CDS2: variants seen among roughly 807,000 people sequenced by gnomAD.
CDS2 encodes CDP-diacylglycerol synthase 2.
CDS2 carries 47 observed loss-of-function variants against 59.0 expected under a neutral mutation model. That is an observed-to-expected ratio of 0.80 (90% confidence interval 0.63 to 1.02). The LOEUF (loss-of-function observed/expected upper bound fraction) is 1.02, where lower values mean the gene tolerates loss of function less well. Ranked by LOEUF, CDS2 falls within the 50% of genes least tolerant of loss-of-function variation. The probability of loss-of-function intolerance (pLI) is 0.00; values close to 1 mark genes in which losing one functional copy is unlikely to be tolerated. For missense variants in CDS2, 356 were observed against 558.9 expected (o/e 0.64, Z 3.66); for synonymous variants, 207 against 206.4 (o/e 1.00, Z -0.02).
chr20:5,136,068 G>T (rs2090647440), intron 1 of CDS2, among the ~76,000 whole-genome samples: 1 of 152,130 alleles, frequency 6.6e-6, no homozygotes, highest in Non-Finnish European at 1.5e-5. Context: ...GGATTTACGG[G>T]CAACACTCTC....
At chr20:5,168,141 ACGG>A (rs2090926005) in intron 1 of CDS2, among the ~76,000 whole-genome samples, 1 of 152,120 alleles carries the variant, frequency 6.6e-6, no homozygotes, top group Admixed American at 6.6e-5. Context: ...GGAGCTGGGT[ACGG>A]TAGCTCACGC....
At chr20:5,156,586 T>C (rs1382048115) in intron 1 of CDS2, among the ~76,000 whole-genome samples, 2 of 152,034 alleles carry the variant, frequency 1.3e-5, no homozygotes, top group Non-Finnish European at 2.9e-5. Flanking sequence ...AAGATGTCAT[T>C]GGAGAGGATT....
chr20:5,167,501 A>T (rs192277549), intron 1 of CDS2, among the ~76,000 whole-genome samples: 169 of 152,306 alleles, frequency 1.1e-3, no homozygotes, highest in African/African-American at 4.0e-3. Flanking sequence ...AACAATATAC[A>T]CACACAAATG....
intron 1 of CDS2, among the ~76,000 whole-genome samples, chr20:5,156,655 G>A (rs2090835688): frequency 6.6e-6 from 1 of 152,180 alleles, no homozygotes; most frequent in Non-Finnish European, 1.5e-5. Flanking sequence ...AGAAAAAAAG[G>A]AATCCATTGG....
chr20:5,168,507 C>T (rs1371185508), intron 1 of CDS2: 2 of 463,586 alleles, frequency 4.3e-6, no homozygotes, highest in Non-Finnish European at 8.6e-6. Flanking sequence ...ACACAGTGCC[C>T]AAGGGATTCT....
intron 1 of CDS2, among the ~76,000 whole-genome samples, chr20:5,161,801 A>G (rs1439680268): frequency 6.6e-6 from 1 of 152,130 alleles, no homozygotes; most frequent in East Asian, 1.9e-4. Context: ...TGTTCATTTT[A>G]TCGTCTTGCT....
intron 1 of CDS2, among the ~76,000 whole-genome samples, chr20:5,149,039 T>C (rs78421884): frequency 0.025 from 3,879 of 152,248 alleles, 70 homozygotes; most frequent in East Asian, 0.08. Flanking sequence ...AGACAGGGTC[T>C]TGCTGTGGTC....
chr20:5,180,738 A>G (rs1296508609), intron 5 of CDS2, among the ~76,000 whole-genome samples: 1 of 152,100 alleles, frequency 6.6e-6, no homozygotes, highest in Non-Finnish European at 1.5e-5. Flanking sequence ...GCTCCTATTC[A>G]GGATGGAGTT....
At chr20:5,166,898 TACC>T (rs2090917131) in intron 1 of CDS2, among the ~76,000 whole-genome samples, 4 of 152,182 alleles carry the variant, frequency 2.6e-5, no homozygotes, top group Non-Finnish European at 5.9e-5. Context: ...CCCAGAGGTT[TACC>T]CATGAAGTGG....
chr20:5,176,539 G>T, intron 3 of CDS2, 109 bp from the exon 4 acceptor site: 1 of 815,182 alleles, frequency 1.2e-6, no homozygotes, highest in South Asian at 1.4e-5. Context: ...CTGGAGGCCC[G>T]ATATTTTTCT....
At chr20:5,142,568 A>G (rs1310305119) in intron 1 of CDS2, among the ~76,000 whole-genome samples, 1 of 151,786 alleles carries the variant, frequency 6.6e-6, no homozygotes, top group Non-Finnish European at 1.5e-5. Context: ...GATATTTAAA[A>G]TAAAGGAATT....
At chr20:5,182,511 A>C (rs2091038681) in intron 6 of CDS2, 66 bp downstream of exon 6, 2 of 1,412,708 alleles carry the variant, frequency 1.4e-6, no homozygotes, top group Non-Finnish European at 2.0e-6. Context: ...GGAACTCAAC[A>C]AGCCTTTCAT....
At chr20:5,170,159 G>A (rs1320634153) in intron 1 of CDS2, among the ~76,000 whole-genome samples, 2 of 152,192 alleles carry the variant, frequency 1.3e-5, no homozygotes, top group African/African-American at 2.4e-5. Context: ...TGTGTCATGA[G>A]TGTCAGAGCT....
At chr20:5,159,531 A>G (rs796991583) in intron 1 of CDS2, among the ~76,000 whole-genome samples, 1 of 152,250 alleles carries the variant, frequency 6.6e-6, no homozygotes, top group African/African-American at 2.4e-5. Flanking sequence ...AAACAAGTGT[A>G]AGGAATCTTT....
At chr20:5,186,582 C>A in intron 9 of CDS2, 105 bp from the exon 10 acceptor site, 1 of 1,037,324 alleles carries the variant, frequency 9.6e-7, no homozygotes, top group Non-Finnish European at 1.5e-6. Flanking sequence ...TCGCAGTTAG[C>A]AGGGTACTAG....
Position 5,189,779 on chromosome 20 carries a change from C to T in CDS2, c.1146C>T (p.Arg382=). The change falls in exon 12 of 13, where the codon CGC becomes CGT. Residue 382 remains arginine, a synonymous_variant. Transcript: ENST00000460006. ...CTGGCCATGGAGGCATCATGGATCG[C>T]TTTGACTGCCAGTATCTGATGGCCA... is the stretch of plus-strand genomic sequence containing the variant. ...TIPGHGGIMD[R]FDCQYLMATF... 6.2e-7 allele frequency: 1 copy of T among 1,614,170 alleles called. No individual in the cohort carries two copies. The highest frequency in any genetic ancestry group is 8.5e-7 in the Non-Finnish European group (1 of 1,180,026).
chr20:5,189,183 C>CA lies in CDS2; in HGVS notation c.1101dup (p.Asp368ArgfsTer17). On this transcript the variant is annotated frameshift_variant, in exon 11 of 13. Transcript: ENST00000460006. LOFTEE classifies it high-confidence loss of function. ...GTGGATTCAAACGAGCCTTTAAAAT[C>CA]AAAGTAGGAAAACCGTCTTACGTTC... 6.2e-7 allele frequency: 1 copy of CA among 1,614,046 alleles called. No homozygotes were observed.
intron 1 of CDS2, among the ~76,000 whole-genome samples, chr20:5,145,124 T>TAA (rs1322331218): frequency 7.2e-5 from 11 of 151,810 alleles, no homozygotes; most frequent in African/African-American, 2.4e-4. Context: ...GACACAGTAG[T>TAA]GTCTTGGCTC....
intron 1 of CDS2, among the ~76,000 whole-genome samples, chr20:5,135,452 G>GTT (rs2090642141): frequency 2.7e-5 from 4 of 149,642 alleles, no homozygotes; most frequent in African/African-American, 1.0e-4. Context: ...ACAGCTGTTT[G>GTT]TGTGTCATAC....
Sources: gnomAD v4.1 joint callset for allele counts (sites outside exome capture counted in the v4.1 genomes callset) on GRCh38, gnomAD v4.1.1 for gene constraint, MANE v1.5 for transcripts, NCBI Gene and HGNC (gene_info 2026-07-23, HGNC 2026-07-21) for gene names.